The following WDR3 variants were observed in gnomAD, a reference collection of about 807,000 sequenced individuals.
The protein encoded by WDR3 is WD repeat-containing protein 3.
A neutral mutation model predicts 123.7 loss-of-function variants in WDR3; 81 were observed. The observed-to-expected ratio is 0.65, with a 90% confidence interval of 0.55 to 0.79. WDR3 has a LOEUF of 0.79. Among genes scored for constraint, WDR3 ranks in the 30% least tolerant of loss-of-function variants. The pLI is 0.00. For missense variants in WDR3, 1,027 were observed against 1,123.2 expected, an observed-to-expected ratio of 0.91 and a Z score of 1.22; for synonymous variants, 390 against 388.8, an observed-to-expected ratio of 1.00 and a Z score of -0.04.
chr1:117,960,250 G>T lies in WDR3; in HGVS notation c.*803G>T, dbSNP rs955182995. 1 of 151,810 alleles carries T rather than the reference G, an allele frequency of 6.6e-6. No homozygotes were observed. The allele number at this position is 151,810 out of a possible 1,614,324, so 9.4% of individuals were successfully genotyped here. ...CTACGCCCCGCACAGTCAAAAATCT[G>T]CATATAACTTTTGATTCCCCAAAGT... is the stretch of plus-strand genomic sequence containing the variant. On this transcript the variant is annotated 3_prime_UTR_variant, in exon 27 of 27. Transcript: ENST00000349139.
intron 4 of WDR3, among the ~76,000 whole-genome samples, chr1:117,937,433 A>G (rs896228674): frequency 2.6e-5 from 4 of 152,200 alleles, no homozygotes; most frequent in African/African-American, 9.7e-5. Context: ...TGGGATACCA[A>G]GGTTTGCCAG....
chr1:117,942,773 TGCA>T (rs1161076955), intron 10 of WDR3, among the ~76,000 whole-genome samples: 1 of 152,020 alleles, frequency 6.6e-6, no homozygotes, highest in Non-Finnish European at 1.5e-5. Context: ...TGTCTTTTCC[TGCA>T]GCTAATTTAA....
At position 117,959,011 on chromosome 1, in the gene WDR3, T is replaced by G; in HGVS notation, c.2676+8T>G. On this transcript the variant is annotated splice_region_variant and intron_variant, in intron 26 of 26. Coordinates refer to ENST00000349139, the MANE Select transcript of WDR3 (RefSeq NM_006784.3). ...AAAGTCAGCCAAGTCCGGGTAAGTG[T>G]CTTTGTATAGAGATAAAATAATGAG... 6.2e-7 allele frequency: 1 copy of G among 1,612,952 alleles called. No individual in the cohort carries two copies. Among genetic ancestry groups the G allele is most frequent in the Non-Finnish European group, 8.5e-7 (1 of 1,179,068 alleles).
At chr1:117,943,731 A>G (rs1433520611) in intron 11 of WDR3, 105 bp downstream of exon 11, 3 of 1,016,660 alleles carry the variant, frequency 3.0e-6, no homozygotes, top group Non-Finnish European at 4.2e-6. Context: ...CCTAAATACA[A>G]TTATCTTTAG....
rs574535529 is a variant in WDR3 at position 117,961,917 on chromosome 1, A to G, written c.*2470A>G. The G allele has an allele frequency of 3.9e-5, 6 of 152,336 alleles. No individual in the cohort carries two copies. Among genetic ancestry groups the G allele is most frequent in the African/African-American group, 1.4e-4 (6 of 41,528 alleles). The allele number at this position is 152,336 out of a possible 1,614,324, so 9.4% of individuals were successfully genotyped here. A position where few individuals can be genotyped will look rare whatever the true frequency, so the allele number is the denominator to read the frequency against. ...GAGAGGAGTTAATTCTTGAAAAAAA[A>G]TTTAATTTTTTATGAGAACAGAAGT... On this transcript the variant is annotated 3_prime_UTR_variant, in exon 27 of 27. Coordinates refer to ENST00000349139, the MANE Select transcript of WDR3 (RefSeq NM_006784.3).
chr1:117,937,676 G>A (rs911023153), intron 4 of WDR3, among the ~76,000 whole-genome samples: 2 of 152,120 alleles, frequency 1.3e-5, no homozygotes, highest in Non-Finnish European at 2.9e-5. Flanking sequence ...TATATGGGAC[G>A]GACTTTGTAA....
At chr1:117,956,812 A>G (rs1357801771) in intron 24 of WDR3, among the ~76,000 whole-genome samples, 9 of 152,302 alleles carry the variant, frequency 5.9e-5, no homozygotes, top group African/African-American at 1.9e-4. Context: ...GGCTTTGGAG[A>G]TATTGTTTAT....
At position 117,952,067 on chromosome 1, in the gene WDR3, A is replaced by G. The variant is rs1275900810; in HGVS notation, c.1895A>G (p.His632Arg). The part of the protein sequence containing the change: ...FGDCHKSLFA[H>R]DDSVMYLQFV... Reference sequence around the variant, plus strand: ...GACTGCCACAAGTCTCTCTTTGCACATGATGACAGGTATGTATAGTCTTTT... The same window carrying G: ...GACTGCCACAAGTCTCTCTTTGCACGTGATGACAGGTATGTATAGTCTTTT... The change falls in exon 17 of 27, where the codon CAT becomes CGT. Residue 632 changes from histidine to arginine, a missense_variant. His to Arg is a conservative substitution (Grantham distance 29). Transcript: ENST00000349139. 2 of 1,613,096 alleles carry G rather than the reference A, an allele frequency of 1.2e-6. No individual in the cohort carries two copies. Among genetic ancestry groups the G allele is most frequent in the South Asian group, 1.1e-5 (1 of 91,026 alleles).
chr1:117,938,447 G>A, intron 4 of WDR3, 33 bp from the exon 5 acceptor site: 1 of 1,582,640 alleles, frequency 6.3e-7, no homozygotes, highest in Non-Finnish European at 8.7e-7. Context: ...TTCCTAAACA[G>A]GCTATATATT....
intron 16 of WDR3, among the ~76,000 whole-genome samples, chr1:117,951,614 G>C (rs1023256244): frequency 6.6e-6 from 1 of 151,468 alleles, no homozygotes; most frequent in Non-Finnish European, 1.5e-5. Context: ...CATTCTAGTA[G>C]AGTCTTTCTC....
At chr1:117,948,368 T>A (rs1281034988) in intron 12 of WDR3, 37 bp from the exon 13 acceptor site, 1 of 1,571,520 alleles carries the variant, frequency 6.4e-7, no homozygotes, top group Non-Finnish European at 8.8e-7. Context: ...GTTGTACGTA[T>A]GTTCATTGGA....
chr1:117,940,403 A>C (rs1571012583), intron 6 of WDR3, among the ~76,000 whole-genome samples: 1 of 152,278 alleles, frequency 6.6e-6, no homozygotes, highest in East Asian at 1.9e-4. Flanking sequence ...TGGCCATAAG[A>C]AAGATTTCTA....
At position 117,959,523 on chromosome 1, in the gene WDR3, C is replaced by T. The variant is rs566692535; in HGVS notation, c.*76C>T. ...CCTAAACTAAGCACAGAAGAGTTGG[C>T]GTCATCTTAAAAATACCAAATAACA... On this transcript the variant is annotated 3_prime_UTR_variant, in exon 27 of 27. Transcript: ENST00000349139. 100 of 1,387,658 alleles carry T rather than the reference C, an allele frequency of 7.2e-5. No individual in the cohort carries two copies. In the African/African-American group the frequency reaches 9.3e-4, roughly 13 times the overall value. 86.0% of individuals were successfully genotyped at this position (1,387,658 alleles called of 1,614,324 possible). A position where few individuals can be genotyped will look rare whatever the true frequency, so the allele number is the denominator to read the frequency against.
At chr1:117,939,136 G>T (rs2101199052) in intron 5 of WDR3, among the ~76,000 whole-genome samples, 1 of 152,280 alleles carries the variant, frequency 6.6e-6, no homozygotes, top group South Asian at 2.1e-4. Context: ...CCTTTTATTT[G>T]CTAGACACTG....
intron 1 of WDR3, among the ~76,000 whole-genome samples, chr1:117,931,079 C>T (rs1281643442): frequency 6.6e-6 from 1 of 152,172 alleles, no homozygotes; most frequent in Non-Finnish European, 1.5e-5. Flanking sequence ...TCCCCGAGTG[C>T]GTCACCATGC....
rs1557816150 is a variant in WDR3 at position 117,933,345 on chromosome 1, G to A, written c.26G>A (p.Arg9His). ...ATGGGGCTCACCAAGCAGTACCTAC[G>A]CTATGTTGCTAGTGCGGTCTTTGGC... MGLTKQYL[R>H]YVASAVFGVI... Residue 9 changes from arginine (R) to histidine (H), a missense_variant, in exon 2 of 27, where the codon CGC becomes CAC. Arg to His is a conservative substitution (Grantham distance 29). Coordinates refer to ENST00000349139, the MANE Select transcript of WDR3 (RefSeq NM_006784.3). 3 of 1,614,148 alleles carry A rather than the reference G, an allele frequency of 1.9e-6. No individual in the cohort carries two copies. The highest frequency in any genetic ancestry group is 1.7e-5 in the Admixed American group (1 of 60,028).
rs554261688 is a variant in WDR3, at chr1:117,962,293, T to C, written c.*2846T>C. On this transcript the variant is annotated 3_prime_UTR_variant, in exon 27 of 27. Transcript: ENST00000349139. The stretch of plus-strand genomic sequence containing the variant: ...TTTAACTCTAAAAGTTTAAGGTCAA[T>C]AGGTGCATTATAAAGTAAATTTTAA... 6 of 152,288 alleles carry C rather than the reference T, an allele frequency of 3.9e-5. No individual in the cohort carries two copies. The highest frequency in any genetic ancestry group is 1.4e-4 in the African/African-American group (6 of 41,564). The allele number at this position is 152,288 out of a possible 1,614,324, so 9.4% of individuals were successfully genotyped here.
rs1329358441 is a variant in WDR3, at chr1:117,964,884, C to A, written c.*5437C>A. Reference sequence around the variant, plus strand: ...TCAGCTTCTCCCTTGCCAAGACTAACCCTTCAGCTCTGTTTTTTATTATTC... The same window carrying A: ...TCAGCTTCTCCCTTGCCAAGACTAAACCTTCAGCTCTGTTTTTTATTATTC... On this transcript the variant is annotated 3_prime_UTR_variant, in exon 27 of 27. Transcript: ENST00000349139. 6.6e-6 allele frequency: 1 copy of A among 152,182 alleles called. No homozygotes were observed. Among genetic ancestry groups the A allele is most frequent in the Non-Finnish European group, 1.5e-5 (1 of 68,044 alleles). 9.4% of individuals were successfully genotyped at this position (152,182 alleles called of 1,614,324 possible). A position where few individuals can be genotyped will look rare whatever the true frequency, so the allele number is the denominator to read the frequency against.
chr1:117,949,645 C>T, intron 13 of WDR3, 106 bp from the exon 14 acceptor site: 2 of 1,269,620 alleles, frequency 1.6e-6, no homozygotes, highest in Non-Finnish European at 2.2e-6. Context: ...TAATTTTTAT[C>T]CCATGACGTT....
Sources: allele counts gnomAD v4.1 joint callset (sites outside exome capture counted in the v4.1 genomes callset), GRCh38; gene constraint gnomAD v4.1.1; transcripts MANE v1.5; gene names NCBI Gene and HGNC (gene_info 2026-07-23, HGNC 2026-07-21).